C16orf87: variants seen among roughly 807,000 people sequenced by gnomAD.
The protein encoded by C16orf87 is HDAC and MIER1 interacting protein 1.
Under a neutral mutation model 21.0 loss-of-function variants are expected in C16orf87, and 13 were observed. The observed-to-expected ratio is 0.62, with a 90% CI of 0.40 to 0.98. C16orf87 has a LOEUF of 0.98. Among genes scored for constraint, C16orf87 ranks in the 50% least tolerant of loss-of-function variants. The probability of loss-of-function intolerance (pLI) is 0.00; values close to 1 mark genes in which losing one functional copy is unlikely to be tolerated. For synonymous variants in C16orf87, 49 were observed against 60.2 expected (o/e 0.81, Z 0.86); for missense variants, 113 against 180.4 (o/e 0.63, Z 2.14).
chr16:46,815,125 A>G (rs1326627456), intron 2 of C16orf87, among the ~76,000 whole-genome samples: 1 of 152,210 alleles, frequency 6.6e-6, no homozygotes, highest in Non-Finnish European at 1.5e-5. Flanking sequence ...GGTAAAGTAC[A>G]GTATCTTCCA....
At chr16:46,807,474 G>C (rs1032075283) in intron 3 of C16orf87, among the ~76,000 whole-genome samples, 5 of 151,724 alleles carry the variant, frequency 3.3e-5, no homozygotes, top group African/African-American at 1.2e-4. Context: ...GCAAACTATA[G>C]TACAAGTAAC....
chr16:46,804,503 G>A (rs887549579), intron 3 of C16orf87, among the ~76,000 whole-genome samples: 7 of 152,182 alleles, frequency 4.6e-5, no homozygotes, highest in African/African-American at 1.7e-4. Context: ...GTTTGATTGA[G>A]TATAGACTTG....
chr16:46,817,784 C>T (rs1959248254), intron 2 of C16orf87, among the ~76,000 whole-genome samples: 1 of 151,908 alleles, frequency 6.6e-6, no homozygotes, highest in Admixed American at 6.6e-5. Context: ...TAAAAACAAT[C>T]AGTCTTAATT....
intron 3 of C16orf87, among the ~76,000 whole-genome samples, chr16:46,803,722 TAA>T (rs1006307672): frequency 7.0e-6 from 1 of 143,102 alleles, no homozygotes; most frequent in African/African-American, 2.6e-5. Context: ...TAAAACTTGT[TAA>T]AAAAAAAAAA....
intron 2 of C16orf87, among the ~76,000 whole-genome samples, chr16:46,810,862 G>A (rs918691346): frequency 1.3e-5 from 2 of 152,068 alleles, no homozygotes; most frequent in Non-Finnish European, 2.9e-5. Flanking sequence ...ACTATTACAG[G>A]ACAATTTGAG....
intron 3 of C16orf87, 115 bp downstream of exon 3, chr16:46,809,488 T>G: frequency 1.5e-6 from 1 of 660,024 alleles, no homozygotes. Context: ...AACTAAAATA[T>G]GAGTTGTGAT....
At chr16:46,809,116 G>C (rs1277696851) in intron 3 of C16orf87, among the ~76,000 whole-genome samples, 1 of 151,290 alleles carries the variant, frequency 6.6e-6, no homozygotes. Context: ...TGGGCAACAT[G>C]GTGAAACCCC....
At position 46,809,676 on chromosome 16, in the gene C16orf87, G is replaced by C. The variant is rs762204685; in HGVS notation, c.273C>G (p.Ser91Arg). 6.2e-7 allele frequency: 1 copy of C among 1,610,802 alleles called. No individual in the cohort carries two copies. The highest frequency in any genetic ancestry group is 1.1e-5 in the South Asian group (1 of 90,984). The part of the protein sequence containing the change: ...LENRKRSRSN[S>R]HSDHIRRGRG... ...TTCCTCGTCTGATATGATCTGAATG[G>C]CTGTTACTTCGAGACCTCTTTCTGT... is the stretch of plus-strand genomic sequence containing the variant. The change falls in exon 3 of 4, where the codon AGC (serine) becomes AGG (arginine). Residue 91 changes from serine (S) to arginine (R), a missense_variant. Physicochemically the swap from Ser to Arg is moderately radical, Grantham distance 110 (BLOSUM62 -1). Coordinates refer to ENST00000285697, the MANE Select transcript of C16orf87 (RefSeq NM_001001436.4).
At chr16:46,825,434 TAAATTCTTA>T (rs999667995) in intron 1 of C16orf87, among the ~76,000 whole-genome samples, 18 of 282 alleles carry the variant, frequency 0.064, no homozygotes, top group African/African-American at 0.11. Flanking sequence ...AGATTTTTCT[TAAATTCTTA>T]AATTGTTGTG....
chr16:46,831,048 T>G (rs1326967692), intron 1 of C16orf87, 36 bp downstream of exon 1: 2 of 1,541,142 alleles, frequency 1.3e-6, no homozygotes, highest in East Asian at 5.2e-5. Flanking sequence ...GCCAAGCCAC[T>G]GCCGCCCGCC....
chr16:46,824,564 G>T, intron 1 of C16orf87, 82 bp from the exon 2 acceptor site: 1 of 540,190 alleles, frequency 1.9e-6, no homozygotes, highest in South Asian at 3.1e-5. Context: ...CTCCTCAAAT[G>T]AATGATAAAT....
chr16:46,802,151 A>C lies in C16orf87; in HGVS notation c.*801T>G, dbSNP rs549471603. ...CCATTCAGATAAAACATTACTGCTT[A>C]AAAGTGGCTAAGAAATATTTTGCAT... On this transcript the variant is annotated 3_prime_UTR_variant, in exon 4 of 4. Coordinates refer to ENST00000285697, the MANE Select transcript of C16orf87 (RefSeq NM_001001436.4). The C allele has an allele frequency of 6.6e-6, 1 of 152,432 alleles. No individual in the cohort carries two copies. The highest frequency in any genetic ancestry group is 2.1e-4 in the South Asian group (1 of 4,830). The allele number at this position is 152,432 out of a possible 1,614,324, so 9.4% of individuals were successfully genotyped here. A position where few individuals can be genotyped will look rare whatever the true frequency, so the allele number is the denominator to read the frequency against.
At chr16:46,813,811 C>A (rs1413705996) in intron 2 of C16orf87, among the ~76,000 whole-genome samples, 1 of 152,178 alleles carries the variant, frequency 6.6e-6, no homozygotes, top group Non-Finnish European at 1.5e-5. Flanking sequence ...TCTGATTCTC[C>A]CAGCCCAAGT....
chr16:46,821,342 A>G (rs1263637134), intron 2 of C16orf87, among the ~76,000 whole-genome samples: 1 of 152,134 alleles, frequency 6.6e-6, no homozygotes, highest in Non-Finnish European at 1.5e-5. Context: ...CCACGTCTGT[A>G]CTCTACCAAA....
chr16:46,809,318 G>C (rs1358372176), intron 3 of C16orf87, among the ~76,000 whole-genome samples: 5 of 151,462 alleles, frequency 3.3e-5, no homozygotes, highest in African/African-American at 1.2e-4. Context: ...CATTTTAACA[G>C]GCTTCTTCAG....
Position 46,798,304 on chromosome 16 carries a change from T to C in C16orf87, c.*4648A>G, listed in dbSNP as rs1967669370. ...GGGTGGATCACCGGAGCTCAGGAGT[T>C]CGAGACCAGCTTGGCCAACATGGTG... On this transcript the variant is annotated 3_prime_UTR_variant, in exon 4 of 4. Coordinates refer to ENST00000285697, the MANE Select transcript of C16orf87 (RefSeq NM_001001436.4). 6.6e-6 allele frequency: 1 copy of C among 152,334 alleles called. No homozygotes were observed. The highest frequency in any genetic ancestry group is 1.5e-5 in the Non-Finnish European group (1 of 68,128). 9.4% of individuals were successfully genotyped at this position (152,334 alleles called of 1,614,324 possible).
intron 2 of C16orf87, among the ~76,000 whole-genome samples, chr16:46,819,482 G>T (rs1486958531): frequency 6.6e-6 from 1 of 151,496 alleles, no homozygotes; most frequent in Non-Finnish European, 1.5e-5. Flanking sequence ...ACTAATTTTT[G>T]TATTTTTAGC....
At chr16:46,819,552 C>T (rs2143133074) in intron 2 of C16orf87, among the ~76,000 whole-genome samples, 1 of 151,364 alleles carries the variant, frequency 6.6e-6, no homozygotes, top group Non-Finnish European at 1.5e-5. Flanking sequence ...TCAGATGATC[C>T]GCCCGCCTCA....
chr16:46,829,164 G>A (rs1025614455), intron 1 of C16orf87, among the ~76,000 whole-genome samples: 2 of 152,140 alleles, frequency 1.3e-5, no homozygotes, highest in Admixed American at 1.3e-4. Flanking sequence ...AAAAGGGAGA[G>A]AGCTTGACCC....
Sources: allele counts gnomAD v4.1 joint callset (sites outside exome capture counted in the v4.1 genomes callset), GRCh38; gene constraint gnomAD v4.1.1; transcripts MANE v1.5; gene names NCBI Gene and HGNC (gene_info 2026-07-23, HGNC 2026-07-21).